The following LUC7L3 variants were observed in gnomAD, a reference collection of about 807,000 sequenced individuals.
LUC7L3 encodes the protein LUC7 like 3 pre-mRNA splicing factor, also known as luc7-like protein 3.
In LUC7L3, 6 loss-of-function variants were observed where a neutral mutation model predicts 66.8. The observed-to-expected ratio is 0.09, with a 90% CI of 0.05 to 0.18. The LOEUF is 0.18. Ranked by LOEUF, LUC7L3 falls within the 10% of genes least tolerant of loss-of-function variation. The pLI is 1.00. For synonymous variants in LUC7L3, 160 were observed against 174.7 expected (o/e 0.92, Z 0.66); for missense variants, 341 against 531.1 (o/e 0.64, Z 3.52).
chr17:50,749,242 T>A (rs1291630504), intron 9 of LUC7L3: 1 of 1,289,218 alleles, frequency 7.8e-7, no homozygotes, highest in African/African-American at 1.5e-5. Flanking sequence ...ATTATTGGAC[T>A]GACTACTAGT....
At chr17:50,734,952 C>T (rs3785910) in intron 1 of LUC7L3, among the ~76,000 whole-genome samples, 2,094 of 152,106 alleles carry the variant, frequency 0.014, 60 homozygotes, top group East Asian at 0.12. Flanking sequence ...AAAACTTTCA[C>T]GTCTGAGCGC....
intron 1 of LUC7L3, chr17:50,724,191 C>T (rs577750747): frequency 4.8e-5 from 12 of 250,090 alleles, no homozygotes; most frequent in Non-Finnish European, 6.6e-5. Flanking sequence ...AACCTTAAAG[C>T]GGTCATTGTA....
chr17:50,739,152 C>T (rs1970183948), intron 2 of LUC7L3, among the ~76,000 whole-genome samples: 1 of 152,154 alleles, frequency 6.6e-6, no homozygotes, highest in East Asian at 1.9e-4. Context: ...AACAAGAGAT[C>T]CAGTAATTCT....
intron 2 of LUC7L3, among the ~76,000 whole-genome samples, chr17:50,739,561 G>A (rs1970211548): frequency 6.6e-6 from 1 of 152,154 alleles, no homozygotes; most frequent in Non-Finnish European, 1.5e-5. Context: ...GGTTGAGGCA[G>A]GAGAATCCCT....
chr17:50,720,684 G>A (rs1968690607), intron 1 of LUC7L3, among the ~76,000 whole-genome samples: 1 of 152,128 alleles, frequency 6.6e-6, no homozygotes, highest in Admixed American at 6.5e-5. Context: ...TTTACTTTGA[G>A]GTTATAATCT....
rs1375583721 is a variant in LUC7L3, at chr17:50,724,008, T to C, written c.99+4177T>C. On this transcript the variant is annotated intron_variant, in intron 1 of 9. Transcript: ENST00000505658. ...AGAATTGCCAGCAGTCCATGTGTTA[T>C]ATGTGTATGTAATTGCTATTTGCTT... The C allele has an allele frequency of 4.2e-5, 19 of 453,034 alleles. No homozygotes were observed. The Middle Eastern group carries it at 9.8e-4, about 23-fold the overall frequency. 28.1% of individuals were successfully genotyped at this position (453,034 alleles called of 1,614,324 possible). A position where few individuals can be genotyped will look rare whatever the true frequency, so the allele number is the denominator to read the frequency against.
intron 3 of LUC7L3, 142 bp downstream of exon 3, chr17:50,740,487 C>T (rs1022847720): frequency 1.1e-5 from 8 of 727,406 alleles, no homozygotes; most frequent in East Asian, 2.7e-5. Flanking sequence ...TAAGAAAGTT[C>T]TATAGCTTCA....
chr17:50,749,293 A>G (rs775773220), intron 9 of LUC7L3: 1,203 of 1,289,238 alleles, frequency 9.3e-4, no homozygotes, highest in Non-Finnish European at 1.1e-3. Flanking sequence ...CATTGAAGCT[A>G]CCTGTGCACC....
In LUC7L3 at chr17:50,750,931, T is replaced by G; in HGVS notation, c.*270T>G. 1 of 1,533,656 alleles carries G rather than the reference T, an allele frequency of 6.5e-7. No individual in the cohort carries two copies. Among genetic ancestry groups the G allele is most frequent in the Non-Finnish European group, 8.7e-7 (1 of 1,145,720 alleles). Reference sequence around the variant, plus strand: ...GCCTCTTTGGAAATTATCGCCCACATTTGTAATATAGTCGCCATTGAAAAG... The same window carrying G: ...GCCTCTTTGGAAATTATCGCCCACAGTTGTAATATAGTCGCCATTGAAAAG... On this transcript the variant is annotated 3_prime_UTR_variant, in exon 10 of 10. Transcript: ENST00000505658.
chr17:50,745,665 G>T, intron 7 of LUC7L3, 55 bp from the exon 8 acceptor site: 1 of 1,428,052 alleles, frequency 7.0e-7, no homozygotes, highest in Non-Finnish European at 9.5e-7. Flanking sequence ...GTTGACCATT[G>T]TTTAACAATG....
Position 50,750,934 on chromosome 17 carries a change from G to T in LUC7L3, c.*273G>T. 1 of 1,527,046 alleles carries T rather than the reference G, an allele frequency of 6.5e-7. No individual in the cohort carries two copies. The highest frequency in any genetic ancestry group is 8.8e-7 in the Non-Finnish European group (1 of 1,142,806). 94.6% of individuals were successfully genotyped at this position (1,527,046 alleles called of 1,614,324 possible). A position where few individuals can be genotyped will look rare whatever the true frequency, so the allele number is the denominator to read the frequency against. On this transcript the variant is annotated 3_prime_UTR_variant, in exon 10 of 10. Transcript: ENST00000505658. ...TCTTTGGAAATTATCGCCCACATTT[G>T]TAATATAGTCGCCATTGAAAAGTTA...
At chr17:50,744,877 T>G in intron 7 of LUC7L3, 64 bp downstream of exon 7, 2 of 1,366,032 alleles carry the variant, frequency 1.5e-6, no homozygotes, top group Non-Finnish European at 2.0e-6. Context: ...AGTGACGCGA[T>G]CTCAGCTCAC....
Position 50,734,395 on chromosome 17 carries a change from G to A in LUC7L3, c.100-2565G>A, listed in dbSNP as rs1969843345. Among the ~76,000 whole-genome samples the A allele has an allele frequency of 1.3e-5, 2 of 152,206 alleles. 1 individual carries two copies. The highest frequency in any genetic ancestry group is 4.1e-4 in the South Asian group (2 of 4,826). ...TTGGTCATGCTGGTCTCAAACTCCC[G>A]ACCTCAGGTGATCCTCCCGCCTTGG... is the stretch of plus-strand genomic sequence containing the variant. On this transcript the variant is annotated intron_variant, in intron 1 of 9. Transcript: ENST00000505658.
chr17:50,734,610 C>G (rs1403827830), intron 1 of LUC7L3, among the ~76,000 whole-genome samples: 2 of 152,178 alleles, frequency 1.3e-5, no homozygotes, highest in African/African-American at 4.8e-5. Flanking sequence ...CCTTAGCCTC[C>G]CAAGTAGCTG....
At chr17:50,727,892 C>A (rs925143881) in intron 1 of LUC7L3, among the ~76,000 whole-genome samples, 1 of 150,166 alleles carries the variant, frequency 6.7e-6, no homozygotes. Flanking sequence ...ATCACGAGGT[C>A]AGGAGATCGA....
At chr17:50,724,842 A>G (rs924477555) in intron 1 of LUC7L3, among the ~76,000 whole-genome samples, 20 of 144,624 alleles carry the variant, frequency 1.4e-4, no homozygotes, top group African/African-American at 3.1e-4. Context: ...GCTCACTGCA[A>G]CCTCCACCTC....
chr17:50,746,060 A>G (rs774263282), intron 8 of LUC7L3, 57 bp downstream of exon 8: 712 of 1,522,418 alleles, frequency 4.7e-4, no homozygotes, highest in Non-Finnish European at 5.9e-4. Flanking sequence ...AATAACAATA[A>G]TAACTACTAG....
chr17:50,737,048 CTT>C, intron 2 of LUC7L3, 22 bp downstream of exon 2: 1 of 1,558,816 alleles, frequency 6.4e-7, no homozygotes, highest in Non-Finnish European at 8.8e-7. Context: ...TTCTGTGTAA[CTT>C]TTATCAAATT....
intron 1 of LUC7L3, among the ~76,000 whole-genome samples, chr17:50,724,540 A>G (rs765792250): frequency 1.3e-4 from 19 of 151,958 alleles, no homozygotes; most frequent in South Asian, 4.2e-4. Flanking sequence ...ATAGAATAAA[A>G]TAACCACAAT....
Sources: gnomAD v4.1 joint callset for allele counts (sites outside exome capture counted in the v4.1 genomes callset) on GRCh38, gnomAD v4.1.1 for gene constraint, MANE v1.5 for transcripts, NCBI Gene and HGNC (gene_info 2026-07-23, HGNC 2026-07-21) for gene names.